NOL9: variants seen among roughly 807,000 people sequenced by gnomAD.
NOL9 encodes the protein nucleolar protein 9, also known as polynucleotide 5'-hydroxyl-kinase NOL9.
Under a neutral mutation model 67.9 loss-of-function variants are expected in NOL9, and 28 were observed. The observed-to-expected ratio is 0.41, with a 90% CI of 0.31 to 0.57. The LOEUF (loss-of-function observed/expected upper bound fraction) is 0.57. Among genes scored for constraint, NOL9 ranks in the 20% least tolerant of loss-of-function variants. The pLI is 0.25. For synonymous variants in NOL9, 356 were observed against 352.2 expected (o/e 1.01, Z -0.12); for missense variants, 777 against 897.0 (o/e 0.87, Z 1.71).
chr1:6,541,917 C>T lies in NOL9; in HGVS notation c.988G>A (p.Val330Ile), dbSNP rs1003742905. 1.0e-5 allele frequency: 16 copies of T among 1,588,696 alleles called. No homozygotes were observed. Among genetic ancestry groups the T allele is most frequent in the Admixed American group, 5.5e-5 (3 of 54,360 alleles). ...INHLLNSLPC[V>I]DYLECDLGQT... is the part of the protein sequence containing the mutation. Reference sequence around the variant, plus strand: ...CCCAGATCACATTCCAAATAGTCAACGCAGGGAAGACTGCAAATTTTTAAA... The same window carrying T: ...CCCAGATCACATTCCAAATAGTCAATGCAGGGAAGACTGCAAATTTTTAAA... The change falls in exon 6 of 12, where the codon GTT becomes ATT. Residue 330 changes from valine (V) to isoleucine (I), a missense_variant. Val to Ile is a conservative substitution (Grantham distance 29, BLOSUM62 3). This residue lies in a region of NOL9 where 413 missense variants were observed against 552.6 expected (regional missense o/e 0.75). Transcript: ENST00000377705.
At position 6,525,952 on chromosome 1, in the gene NOL9, G is replaced by A. The variant is rs757424584; in HGVS notation, c.2011C>T (p.Leu671Phe). ...CCAATTTTCTCTGATGCTCCAGGAA[G>A]TTTAAAATTGTAATCCGTTGTGACA... is the stretch of plus-strand genomic sequence containing the variant. ...PYVTTDYNFKLPGASEKIGAR... is the reference protein window; with the variant it reads ...PYVTTDYNFKFPGASEKIGAR... Residue 671 changes from leucine to phenylalanine, a missense_variant, in exon 12 of 12, where the codon CTT (leucine) becomes TTT (phenylalanine). Leu to Phe is a conservative substitution (Grantham distance 22). This residue lies in a region of NOL9 where 413 missense variants were observed against 552.6 expected (regional missense o/e 0.75). Transcript: ENST00000377705. The A allele has an allele frequency of 2.5e-6, 4 of 1,613,952 alleles. No individual in the cohort carries two copies. Among genetic ancestry groups the A allele is most frequent in the Admixed American group, 3.3e-5 (2 of 60,014 alleles).
chr1:6,547,946 C>A, intron 3 of NOL9: 1 of 242,416 alleles, frequency 4.1e-6, no homozygotes. Context: ...TCCTACAATA[C>A]ATCATCATAG....
chr1:6,548,688 T>C (rs979581734), intron 3 of NOL9: 1 of 188,154 alleles, frequency 5.3e-6, no homozygotes, highest in Admixed American at 5.6e-5. Context: ...AGGAAAGAGA[T>C]AAAAGAAAAT....
chr1:6,531,116 T>C (rs1043211116), intron 9 of NOL9, among the ~76,000 whole-genome samples: 8 of 152,344 alleles, frequency 5.3e-5, no homozygotes, highest in African/African-American at 1.9e-4. Context: ...CCTAACACTA[T>C]CATGCTTTCC....
At position 6,525,738 on chromosome 1, in the gene NOL9, CTG is replaced by C. The variant is rs1638868683; in HGVS notation, c.*114_*115del. ...ACATTCACGAATTACACAAAAAACA[CTG>C]TTGCTAATAAGGGCACCATTCATGG... On this transcript the variant is annotated 3_prime_UTR_variant, in exon 12 of 12. Transcript: ENST00000377705. 4 of 1,044,134 alleles carry C rather than the reference CTG, an allele frequency of 3.8e-6. No individual in the cohort carries two copies. The highest frequency in any genetic ancestry group is 5.8e-6 in the Non-Finnish European group (4 of 694,444). The allele number at this position is 1,044,134 out of a possible 1,614,324, so 64.7% of individuals were successfully genotyped here. A position where few individuals can be genotyped will look rare whatever the true frequency, so the allele number is the denominator to read the frequency against.
intron 6 of NOL9, 80 bp downstream of exon 6, chr1:6,541,750 T>C (rs1186698297): frequency 1.1e-5 from 9 of 800,148 alleles, no homozygotes; most frequent in Non-Finnish European, 1.7e-5. Context: ...TTTTATACTC[T>C]TCGATTTCTG....
rs771524189 is a variant in NOL9 at position 6,525,837 on chromosome 1, T to G, written c.*17A>C. ...TTTCTGGTAGGAAAGTTTCTTCCCT[T>G]ATTAAAAACGCGAGCATCACTTCAT... On this transcript the variant is annotated 3_prime_UTR_variant, in exon 12 of 12. Coordinates refer to ENST00000377705, the MANE Select transcript of NOL9 (RefSeq NM_024654.5). 6.2e-7 allele frequency: 1 copy of G among 1,613,430 alleles called. No individual in the cohort carries two copies. The highest frequency in any genetic ancestry group is 1.7e-5 in the Admixed American group (1 of 59,874).
chr1:6,553,353 T>C (rs1295011791), intron 1 of NOL9, among the ~76,000 whole-genome samples: 1 of 152,190 alleles, frequency 6.6e-6, no homozygotes, highest in Non-Finnish European at 1.5e-5. Context: ...GTTCGACTCC[T>C]AGCTCTCCCT....
At chr1:6,537,034 G>A (rs1312899865) in intron 6 of NOL9, among the ~76,000 whole-genome samples, 1 of 151,790 alleles carries the variant, frequency 6.6e-6, no homozygotes, top group East Asian at 1.9e-4. Flanking sequence ...GCACGGTAAT[G>A]GCATAAAAAA....
At position 6,554,463 on chromosome 1, in the gene NOL9, G is replaced by A. The variant is rs1247361229; in HGVS notation, c.40C>T (p.Arg14Cys). The A allele has an allele frequency of 6.4e-7, 1 of 1,551,112 alleles. No homozygotes were observed. The highest frequency in any genetic ancestry group is 8.6e-7 in the Non-Finnish European group (1 of 1,160,864). ...TTGCGGACCCGCAGCCAAGTGGAAC[G>A]GCAGGAACCCCGCTTTAGCAGCAGT... ...SGLLLKRGSC[R>C]STWLRVRKAR... Residue 14 changes from arginine to cysteine, a missense_variant, in exon 1 of 12, where the codon CGT becomes TGT. Physicochemically the swap from Arg to Cys is radical, Grantham distance 180. Coordinates refer to ENST00000377705, the MANE Select transcript of NOL9 (RefSeq NM_024654.5).
At chr1:6,536,400 CTAA>C (rs1264339331) in intron 6 of NOL9, among the ~76,000 whole-genome samples, 4 of 152,016 alleles carry the variant, frequency 2.6e-5, no homozygotes, top group South Asian at 4.2e-4. Context: ...GGTGTGGTGG[CTAA>C]TAATAGCTGT....
intron 5 of NOL9, among the ~76,000 whole-genome samples, chr1:6,542,788 C>T (rs1371539945): frequency 6.6e-6 from 1 of 151,510 alleles, no homozygotes; most frequent in Non-Finnish European, 1.5e-5. Context: ...GACAGGGTTT[C>T]ACCATGTTGG....
At chr1:6,530,783 T>G (rs1174078179) in intron 9 of NOL9, among the ~76,000 whole-genome samples, 1 of 152,246 alleles carries the variant, frequency 6.6e-6, no homozygotes, top group African/African-American at 2.4e-5. Flanking sequence ...AGGGTGGCCA[T>G]GAAGTCACTG....
At chr1:6,547,967 A>G in intron 3 of NOL9, 1 of 267,282 alleles carries the variant, frequency 3.7e-6, no homozygotes, top group Non-Finnish European at 7.6e-6. Flanking sequence ...GCTTCCTACA[A>G]TACACCGTCA....
chr1:6,532,771 G>A lies in NOL9; in HGVS notation c.1238-11C>T, dbSNP rs1357312282. On this transcript the variant is annotated splice_polypyrimidine_tract_variant and intron_variant, in intron 7 of 11. Coordinates refer to ENST00000377705, the MANE Select transcript of NOL9 (RefSeq NM_024654.5). ...GCAGGAGCCCCTGGTCTGTGGGGAA[G>A]AGACATTAGCACAGCTGATACACTC... The A allele has an allele frequency of 6.2e-7, 1 of 1,607,052 alleles. No individual in the cohort carries two copies. Among genetic ancestry groups the A allele is most frequent in the Non-Finnish European group, 8.5e-7 (1 of 1,175,682 alleles).
At chr1:6,552,034 CA>C (rs201906852) in intron 1 of NOL9, among the ~76,000 whole-genome samples, 15 of 150,356 alleles carry the variant, frequency 1.0e-4, no homozygotes, top group Non-Finnish European at 1.3e-4. Context: ...GACTCCATCT[CA>C]AAAAAAAAGA....
Position 6,525,937 on chromosome 1 carries a change from C to CT in NOL9, c.2025dup (p.Glu676ArgfsTer9). 1 of 1,614,042 alleles carries CT rather than the reference C, an allele frequency of 6.2e-7. No individual in the cohort carries two copies. Among genetic ancestry groups the CT allele is most frequent in the Non-Finnish European group, 8.5e-7 (1 of 1,179,918 alleles). ...TCAGGTTCTCTTGCTCCAATTTTCTCTGATGCTCCAGGAAGTTTAAAATTG... is the reference window on the plus strand; with the variant it reads ...TCAGGTTCTCTTGCTCCAATTTTCTCTTGATGCTCCAGGAAGTTTAAAATTG... On this transcript the variant is annotated frameshift_variant, in exon 12 of 12. Coordinates refer to ENST00000377705, the MANE Select transcript of NOL9 (RefSeq NM_024654.5). LOFTEE classifies it low-confidence loss of function (END_TRUNC).
intron 1 of NOL9, among the ~76,000 whole-genome samples, chr1:6,552,544 T>C (rs1369493558): frequency 6.6e-6 from 1 of 151,922 alleles, no homozygotes; most frequent in East Asian, 1.9e-4. Context: ...TGCCTCTGCC[T>C]CCAGAGTAGC....
chr1:6,545,713 C>G (rs1318917182), intron 3 of NOL9, among the ~76,000 whole-genome samples: 2 of 152,156 alleles, frequency 1.3e-5, no homozygotes, highest in African/African-American at 4.8e-5. Flanking sequence ...GGGCCCCGTC[C>G]TCTTGCAATT....
Sources: gnomAD v4.1 joint callset for allele counts (sites outside exome capture counted in the v4.1 genomes callset) on GRCh38, gnomAD v4.1.1 for gene constraint, gnomAD v4.1.1 regional missense constraint, MANE v1.5 for transcripts, NCBI Gene and HGNC (gene_info 2026-07-23, HGNC 2026-07-21) for gene names.